The following STK3 variants were observed in gnomAD, a reference collection of about 807,000 sequenced individuals.
STK3 encodes serine/threonine kinase 3.
Under a neutral mutation model 58.0 loss-of-function variants are expected in STK3, and 41 were observed. That is an observed-to-expected ratio of 0.71 (90% CI 0.55 to 0.92). STK3 has a LOEUF of 0.92. Among genes scored for constraint, STK3 ranks in the 40% least tolerant of loss-of-function variants. STK3 has a pLI of 0.00. For synonymous variants in STK3, 170 were observed against 191.0 expected (o/e 0.89, Z 0.91); for missense variants, 479 against 602.7 (o/e 0.79, Z 2.15).
chr8:98,563,597 T>C (rs1259394103), intron 8 of STK3, among the ~76,000 whole-genome samples: 2 of 152,044 alleles, frequency 1.3e-5, no homozygotes, highest in Admixed American at 6.6e-5. Context: ...GGAAGTAGGC[T>C]CCTTATTCTA....
chr8:98,812,718 G>T (rs1273567507), intron 1 of STK3, among the ~76,000 whole-genome samples: 1 of 152,216 alleles, frequency 6.6e-6, no homozygotes, highest in African/African-American at 2.4e-5. Context: ...AAAAAAGGGT[G>T]AGTTTATGTC....
chr8:98,866,477 T>C (rs1327323142), intron 3 of STK3, among the ~76,000 whole-genome samples: 1 of 152,190 alleles, frequency 6.6e-6, no homozygotes, highest in Non-Finnish European at 1.5e-5. Flanking sequence ...GTGGGGCTGC[T>C]AAATTTCGTT....
At chr8:98,914,480 ACACACACACACACT>A (rs1839266378) in intron 1 of STK3, among the ~76,000 whole-genome samples, 1 of 141,036 alleles carries the variant, frequency 7.1e-6, no homozygotes, top group Non-Finnish European at 1.6e-5. Context: ...ACACACACAC[ACACACACACACACT>A]CTCTCTCTCT....
At chr8:98,929,530 G>C (rs774249525) in intron 1 of STK3, among the ~76,000 whole-genome samples, 18 of 152,146 alleles carry the variant, frequency 1.2e-4, no homozygotes, top group Admixed American at 2.6e-4. Flanking sequence ...CACCACTGCA[G>C]TCCCAGCTAC....
At chr8:98,542,049 A>T (rs1294720375) in intron 9 of STK3, among the ~76,000 whole-genome samples, 1 of 152,118 alleles carries the variant, frequency 6.6e-6, no homozygotes, top group Non-Finnish European at 1.5e-5. Flanking sequence ...CCCAAGTCTC[A>T]GTTTCCTTAG....
chr8:98,921,661 C>G (rs960677938), intron 1 of STK3: 1 of 152,158 alleles, frequency 6.6e-6, no homozygotes, highest in Non-Finnish European at 1.5e-5. Flanking sequence ...GTATCCACAG[C>G]CATTTCTTTC....
chr8:98,940,112 C>A (rs1840350754), intron 1 of STK3, among the ~76,000 whole-genome samples: 1 of 152,212 alleles, frequency 6.6e-6, no homozygotes, highest in Admixed American at 6.5e-5. Flanking sequence ...CCGCGCGCCG[C>A]CCCGGGAGCC....
intron 1 of STK3, among the ~76,000 whole-genome samples, chr8:98,814,925 G>C (rs1027543259): frequency 6.6e-6 from 1 of 152,184 alleles, no homozygotes; most frequent in African/African-American, 2.4e-5. Context: ...AAAGCAATCT[G>C]CCTGCCTCGG....
chr8:98,591,102 T>C (rs923662369), intron 7 of STK3, among the ~76,000 whole-genome samples: 1 of 152,192 alleles, frequency 6.6e-6, no homozygotes, highest in Non-Finnish European at 1.5e-5. Context: ...GTGATATGCA[T>C]TCAGTAGGAA....
At chr8:98,413,425 C>A in intron 3 of STK3, 1 of 569,092 alleles carries the variant, frequency 1.8e-6, no homozygotes, top group Non-Finnish European at 3.5e-6. Flanking sequence ...TGATCCCTCA[C>A]TTTCCTGGGG....
At chr8:98,755,736 T>C (rs573745021) in intron 3 of STK3, among the ~76,000 whole-genome samples, 46 of 152,350 alleles carry the variant, frequency 3.0e-4, no homozygotes, top group African/African-American at 1.1e-3. Context: ...GCAAGGACTT[T>C]GTCATTGACT....
intron 4 of STK3, among the ~76,000 whole-genome samples, chr8:98,710,148 T>C (rs1301179610): frequency 6.6e-6 from 1 of 151,688 alleles, no homozygotes; most frequent in Non-Finnish European, 1.5e-5. Flanking sequence ...CTATTAGAAC[T>C]AATAAATAGG....
chr8:98,825,618 C>T lies in STK3; in HGVS notation c.-78G>A. ...GAAAGGAGCCGGGGCACCGGCCGGC[C>T]GAGCCTAGGGCACCACAGAGGGAAA... On this transcript the variant is annotated 5_prime_UTR_variant, in exon 1 of 11. Coordinates refer to ENST00000419617, the MANE Select transcript of STK3 (RefSeq NM_006281.4). 1 of 1,350,024 alleles carries T rather than the reference C, an allele frequency of 7.4e-7. No homozygotes were observed. Among genetic ancestry groups the T allele is most frequent in the Non-Finnish European group, 9.6e-7 (1 of 1,043,688 alleles). The allele number at this position is 1,350,024 out of a possible 1,614,324, so 83.6% of individuals were successfully genotyped here.
intron 10 of STK3, among the ~76,000 whole-genome samples, chr8:98,489,271 T>C (rs545162449): frequency 6.6e-6 from 1 of 152,096 alleles, no homozygotes; most frequent in African/African-American, 2.4e-5. Context: ...TCCCAACACA[T>C]ATGGTGAAAT....
At chr8:98,875,964 G>C (rs371880741) in intron 3 of STK3, among the ~76,000 whole-genome samples, 12 of 152,262 alleles carry the variant, frequency 7.9e-5, no homozygotes, top group African/African-American at 2.9e-4. Flanking sequence ...TATTGACCAA[G>C]CCTGCAGGGT....
At chr8:98,795,552 C>T (rs1172696148) in intron 1 of STK3, among the ~76,000 whole-genome samples, 1 of 151,760 alleles carries the variant, frequency 6.6e-6, no homozygotes, top group Non-Finnish European at 1.5e-5. Flanking sequence ...AACAATAAGG[C>T]AAAAGAAAGA....
chr8:98,585,303 C>T (rs1326823164), intron 7 of STK3, among the ~76,000 whole-genome samples: 3 of 152,156 alleles, frequency 2.0e-5, no homozygotes, highest in South Asian at 2.1e-4. Flanking sequence ...CAGTTTCAGC[C>T]TTCTACATAT....
chr8:98,638,925 A>G (rs1454157729), intron 6 of STK3, among the ~76,000 whole-genome samples: 3 of 152,214 alleles, frequency 2.0e-5, no homozygotes, highest in Non-Finnish European at 2.9e-5. Flanking sequence ...ATTACTATTT[A>G]GACAAGGGCA....
intron 6 of STK3, among the ~76,000 whole-genome samples, chr8:98,618,638 A>G (rs1440236113): frequency 2.8e-5 from 4 of 142,924 alleles, no homozygotes; most frequent in South Asian, 2.4e-4. Flanking sequence ...AAATCAATGT[A>G]CAAAAATCAC....
Sources: allele counts gnomAD v4.1 joint callset (sites outside exome capture counted in the v4.1 genomes callset), GRCh38; gene constraint gnomAD v4.1.1; transcripts MANE v1.5; gene names NCBI Gene and HGNC (gene_info 2026-07-23, HGNC 2026-07-21).